The following RORA variants were observed in gnomAD, a reference collection of about 807,000 sequenced individuals.
RORA encodes the protein nuclear receptor ROR-alpha.
In RORA, 7 loss-of-function variants were observed where a neutral mutation model predicts 69.5. That is an observed-to-expected ratio of 0.10 (90% CI 0.06 to 0.19). RORA has a LOEUF of 0.19. RORA is among the 10% of genes least tolerant of loss of function. RORA has a pLI of 1.00. For missense variants in RORA, 457 were observed against 663.0 expected (o/e 0.69, Z 3.41); for synonymous variants, 261 against 240.8 (o/e 1.08, Z -0.78).
chr15:60,716,498 T>G (rs1299965616), intron 1 of RORA, among the ~76,000 whole-genome samples: 2 of 152,234 alleles, frequency 1.3e-5, no homozygotes, highest in Non-Finnish European at 2.9e-5. Context: ...ATCTGTAATA[T>G]GGAGCTAAGA....
chr15:60,833,140 A>G (rs991747944), intron 1 of RORA, among the ~76,000 whole-genome samples: 7 of 151,892 alleles, frequency 4.6e-5, no homozygotes, highest in African/African-American at 9.7e-5. Flanking sequence ...TCCTGACCTC[A>G]TGATCCGCCC....
intron 1 of RORA, among the ~76,000 whole-genome samples, chr15:61,184,252 C>T (rs953520750): frequency 2.2e-4 from 34 of 152,342 alleles, no homozygotes; most frequent in African/African-American, 7.9e-4. Flanking sequence ...ACACTGAACG[C>T]TGAGAAGCAA....
chr15:60,527,884 C>A (rs1429209951), intron 3 of RORA, among the ~76,000 whole-genome samples: 3 of 152,134 alleles, frequency 2.0e-5, no homozygotes, highest in Non-Finnish European at 4.4e-5. Context: ...GGGCTTTTGC[C>A]TCTGCCATTC....
At chr15:60,790,789 A>G (rs1350193056) in intron 1 of RORA, among the ~76,000 whole-genome samples, 1 of 152,312 alleles carries the variant, frequency 6.6e-6, no homozygotes, top group Non-Finnish European at 1.5e-5. Context: ...TCCTGGTTAT[A>G]TATGGCTTCT....
intron 1 of RORA, among the ~76,000 whole-genome samples, chr15:60,880,676 C>T (rs2073669462): frequency 6.6e-6 from 1 of 152,172 alleles, no homozygotes; most frequent in Non-Finnish European, 1.5e-5. Flanking sequence ...TTGATTCAAC[C>T]TATTTTTCCC....
At chr15:60,817,114 C>T (rs2072828828) in intron 1 of RORA, among the ~76,000 whole-genome samples, 1 of 152,170 alleles carries the variant, frequency 6.6e-6, no homozygotes, top group African/African-American at 2.4e-5. Flanking sequence ...ACAGACTTAT[C>T]ATTTCTTTGC....
intron 1 of RORA, among the ~76,000 whole-genome samples, chr15:61,088,851 G>A (rs2078662990): frequency 6.6e-6 from 1 of 152,184 alleles, no homozygotes; most frequent in Non-Finnish European, 1.5e-5. Flanking sequence ...ATTTAAAAGA[G>A]GAACTGAAAA....
chr15:61,077,365 T>A (rs544655052), intron 1 of RORA, among the ~76,000 whole-genome samples: 1 of 152,292 alleles, frequency 6.6e-6, no homozygotes, highest in African/African-American at 2.4e-5. Flanking sequence ...AACTGAAGAA[T>A]TGTGGATTCA....
chr15:60,754,507 T>G (rs1218145483), intron 1 of RORA, among the ~76,000 whole-genome samples: 1 of 152,168 alleles, frequency 6.6e-6, no homozygotes, highest in African/African-American at 2.4e-5. Context: ...AAAAAATTAT[T>G]AGGGCTGTTT....
intron 2 of RORA, among the ~76,000 whole-genome samples, chr15:60,595,025 A>G (rs962097613): frequency 3.3e-5 from 4 of 119,578 alleles, no homozygotes; most frequent in Non-Finnish European, 5.1e-5. Context: ...AGTAAAAACT[A>G]TAGGCTGTTT....
At chr15:60,544,772 C>T (rs959426367) in intron 2 of RORA, 6 of 152,120 alleles carry the variant, frequency 3.9e-5, no homozygotes, top group Admixed American at 6.5e-5. Context: ...GTCAGTAATG[C>T]AAATCCATTT....
At chr15:61,192,557 C>A (rs764233939) in intron 1 of RORA, among the ~76,000 whole-genome samples, 7 of 152,234 alleles carry the variant, frequency 4.6e-5, no homozygotes, top group Non-Finnish European at 8.8e-5. Flanking sequence ...CCAGGAAGCA[C>A]CCCAAAGACA....
intron 1 of RORA, among the ~76,000 whole-genome samples, chr15:60,889,459 C>T (rs141422808): frequency 8.5e-5 from 13 of 152,350 alleles, no homozygotes; most frequent in African/African-American, 3.1e-4. Context: ...TTAGGCTTCA[C>T]TGCCTTGCAG....
intron 1 of RORA, among the ~76,000 whole-genome samples, chr15:60,766,846 G>A (rs751435730): frequency 6.6e-6 from 1 of 152,124 alleles, no homozygotes; most frequent in Non-Finnish European, 1.5e-5. Flanking sequence ...GTCGATGTCT[G>A]TATGTGGCTA....
intron 2 of RORA, among the ~76,000 whole-genome samples, chr15:60,651,701 AC>A (rs2070145022): frequency 6.6e-6 from 1 of 152,054 alleles, no homozygotes; most frequent in Non-Finnish European, 1.5e-5. Context: ...AGCTTTCTGC[AC>A]CCTCCTTCAG....
chr15:60,819,769 A>ACACACACACACG (rs1555455778), intron 1 of RORA, among the ~76,000 whole-genome samples: 52 of 150,160 alleles, frequency 3.5e-4, no homozygotes, highest in African/African-American at 1.1e-3. Flanking sequence ...ACACACACAC[A>ACACACACACACG]CACACACACA....
Position 60,598,264 on chromosome 15 carries a change from C to T in RORA, c.197-66413G>A, listed in dbSNP as rs113742914. Among the ~76,000 whole-genome samples, 595 of 152,238 alleles carry T rather than the reference C, an allele frequency of 3.9e-3. 6 individuals carry two copies. Among genetic ancestry groups the T allele is most frequent in the African/African-American group, 0.014 (568 of 41,540 alleles). ...ATCAAAATTTGTTGAAATGTTTCTC[C>T]GCATGCACTTTTGCTGAGCGTTCTA... is the stretch of plus-strand genomic sequence containing the variant. On this transcript the variant is annotated intron_variant, in intron 2 of 10. Transcript: ENST00000335670.
intron 1 of RORA, among the ~76,000 whole-genome samples, chr15:60,755,513 C>T (rs1253833430): frequency 6.6e-6 from 1 of 152,052 alleles, no homozygotes; most frequent in East Asian, 1.9e-4. Context: ...AATGGGATGG[C>T]TGGGTCAAAT....
chr15:60,599,323 G>A (rs544851164), intron 2 of RORA, among the ~76,000 whole-genome samples: 1 of 152,284 alleles, frequency 6.6e-6, no homozygotes, highest in East Asian at 1.9e-4. Context: ...GGCCAAGGTG[G>A]GCAGATCACC....
Sources: allele counts gnomAD v4.1 joint callset (sites outside exome capture counted in the v4.1 genomes callset), GRCh38; gene constraint gnomAD v4.1.1; transcripts MANE v1.5; gene names NCBI Gene and HGNC (gene_info 2026-07-23, HGNC 2026-07-21).